The following USP10 variants were observed in gnomAD, a reference collection of about 807,000 sequenced individuals.
The protein encoded by USP10 is ubiquitin specific peptidase 10.
Under a neutral mutation model 84.5 loss-of-function variants are expected in USP10, and 22 were observed. That is an observed-to-expected ratio of 0.26 (90% CI 0.19 to 0.37). USP10 has a LOEUF of 0.37. Among genes scored for constraint, USP10 ranks in the 10% least tolerant of loss-of-function variants. The pLI, the probability that USP10 is intolerant of heterozygous loss-of-function variation, is 1.00. For missense variants in USP10, 1,019 were observed against 998.9 expected, an observed-to-expected ratio of 1.02 and a Z score of -0.27; for synonymous variants, 454 against 387.6, an observed-to-expected ratio of 1.17 and a Z score of -2.01.
At chr16:84,742,128 T>A (rs143320998) in intron 3 of USP10, among the ~76,000 whole-genome samples, 1 of 152,272 alleles carries the variant, frequency 6.6e-6, no homozygotes, top group East Asian at 1.9e-4. Context: ...ATGTATGGGG[T>A]ACATGAGATA....
chr16:84,753,040 C>T (rs1912115427), intron 4 of USP10, among the ~76,000 whole-genome samples: 1 of 152,068 alleles, frequency 6.6e-6, no homozygotes, highest in Non-Finnish European at 1.5e-5. Context: ...GATCATAGCT[C>T]ACTGCAGCCT....
intron 8 of USP10, among the ~76,000 whole-genome samples, chr16:84,761,352 G>A (rs1039827791): frequency 6.6e-6 from 1 of 152,216 alleles, no homozygotes; most frequent in Admixed American, 6.5e-5. Context: ...AATAGGGGAT[G>A]TGTTGGGCTC....
intron 13 of USP10, among the ~76,000 whole-genome samples, chr16:84,778,568 G>A (rs558496414): frequency 6.6e-6 from 1 of 152,202 alleles, no homozygotes; most frequent in Non-Finnish European, 1.5e-5. Flanking sequence ...CATGAGCCAG[G>A]TCTGTAGGCC....
intron 4 of USP10, among the ~76,000 whole-genome samples, chr16:84,751,858 T>G (rs180856362): frequency 6.6e-6 from 1 of 152,280 alleles, no homozygotes; most frequent in Admixed American, 6.5e-5. Context: ...GACCCCTAAG[T>G]CCTAATTTTA....
Position 84,744,619 on chromosome 16 carries a change from T to C in USP10, c.152-14T>C, listed in dbSNP as rs1418417655. ...AGAACTGGGTTCTTAACTAATAGTT[T>C]TCTTTCTAAACAGGACAAGAATATC... On this transcript the variant is annotated splice_polypyrimidine_tract_variant and intron_variant, in intron 3 of 13. Coordinates refer to ENST00000219473, the MANE Select transcript of USP10 (RefSeq NM_005153.3). 2 of 1,577,440 alleles carry C rather than the reference T, an allele frequency of 1.3e-6. No individual in the cohort carries two copies. Among genetic ancestry groups the C allele is most frequent in the Non-Finnish European group, 1.7e-6 (2 of 1,160,482 alleles).
intron 1 of USP10, among the ~76,000 whole-genome samples, chr16:84,724,897 T>G (rs1908258331): frequency 1.3e-5 from 2 of 152,204 alleles, no homozygotes; most frequent in Non-Finnish European, 2.9e-5. Flanking sequence ...CCTTCTGAAG[T>G]TGAAAGCACA....
chr16:84,733,182 A>C, intron 1 of USP10: 1 of 551,176 alleles, frequency 1.8e-6, no homozygotes, highest in Non-Finnish European at 3.4e-6. Context: ...TTGGCATACA[A>C]AATTGATTTG....
chr16:84,754,575 A>G (rs905841126), intron 4 of USP10, among the ~76,000 whole-genome samples: 3 of 152,190 alleles, frequency 2.0e-5, no homozygotes, highest in African/African-American at 7.2e-5. Flanking sequence ...TGGTGCTAGA[A>G]GACTTGATTT....
chr16:84,778,838 G>C, intron 13 of USP10, 57 bp from the exon 14 acceptor site: 1 of 1,536,360 alleles, frequency 6.5e-7, no homozygotes, highest in Non-Finnish European at 8.8e-7. Context: ...GCGGAGACCT[G>C]TAATGATTCG....
intron 4 of USP10, among the ~76,000 whole-genome samples, chr16:84,753,089 C>A (rs1912121125): frequency 1.3e-5 from 2 of 152,038 alleles, no homozygotes; most frequent in Non-Finnish European, 2.9e-5. Context: ...GCCCCAGCTT[C>A]CTGAGTAGTT....
rs779560918 is a variant in USP10, at chr16:84,745,132, C to G, written c.651C>G (p.Asp217Glu). Residue 217 changes from aspartate (D) to glutamate (E), a missense_variant, in exon 4 of 14, where the codon GAC becomes GAG. This residue lies in a region of USP10 where 787 missense variants were observed against 708.8 expected (regional missense o/e 1.11). Coordinates refer to ENST00000219473, the MANE Select transcript of USP10 (RefSeq NM_005153.3). ...RTCNSPQNST[D>E]SVSDIVPDSP... The stretch of plus-strand genomic sequence containing the variant: ...GTAACAGCCCCCAGAACTCCACAGA[C>G]TCTGTCAGTGACATTGTGCCTGACA... The G allele has an allele frequency of 3.3e-5, 54 of 1,613,474 alleles. No homozygotes were observed. Among genetic ancestry groups the G allele is most frequent in the Non-Finnish European group, 4.2e-5 (50 of 1,179,710 alleles).
chr16:84,748,440 A>C (rs570069514), intron 4 of USP10, among the ~76,000 whole-genome samples: 5 of 151,810 alleles, frequency 3.3e-5, no homozygotes, highest in Non-Finnish European at 1.5e-5. Flanking sequence ...AGTAGCTGGG[A>C]CTACAGGTGC....
chr16:84,740,622 T>C (rs1020578386), intron 3 of USP10, among the ~76,000 whole-genome samples: 5 of 152,266 alleles, frequency 3.3e-5, no homozygotes, highest in African/African-American at 1.2e-4. Context: ...CTTTTTTTCC[T>C]AACAGTTCTG....
At chr16:84,778,812 C>T (rs933893750) in intron 13 of USP10, 83 bp from the exon 14 acceptor site, 1 of 1,380,386 alleles carries the variant, frequency 7.2e-7, no homozygotes, top group Non-Finnish European at 9.9e-7. Context: ...TAGGATGCAT[C>T]CCTGGAGGGA....
intron 1 of USP10, among the ~76,000 whole-genome samples, chr16:84,701,607 A>G (rs1178873087): frequency 2.0e-5 from 3 of 152,226 alleles, no homozygotes; most frequent in Admixed American, 1.3e-4. Context: ...TTTTGACATG[A>G]AGAAAGCATC....
intron 1 of USP10, among the ~76,000 whole-genome samples, chr16:84,710,496 A>G (rs1194230613): frequency 2.0e-5 from 3 of 152,128 alleles, no homozygotes; most frequent in Non-Finnish European, 2.9e-5. Context: ...GTAGCCCTTC[A>G]GTGTCCTCAG....
In USP10 at chr16:84,779,158, T is replaced by G; in HGVS notation, c.*76T>G. The stretch of plus-strand genomic sequence containing the variant: ...CTCACACTCACTTCCCGCCTCTCTT[T>G]AGTGGCTCTTTAGAGAGAAACTCTT... On this transcript the variant is annotated 3_prime_UTR_variant, in exon 14 of 14. Coordinates refer to ENST00000219473, the MANE Select transcript of USP10 (RefSeq NM_005153.3). 6.6e-7 allele frequency: 1 copy of G among 1,512,416 alleles called. No individual in the cohort carries two copies. Among genetic ancestry groups the G allele is most frequent in the Non-Finnish European group, 9.0e-7 (1 of 1,115,110 alleles). 93.7% of individuals were successfully genotyped at this position (1,512,416 alleles called of 1,614,324 possible).
At position 84,764,919 on chromosome 16, in the gene USP10, A is replaced by G. The variant is rs1374699380; in HGVS notation, c.1832+656A>G. Among the ~76,000 whole-genome samples, 7 of 66,246 alleles carry G rather than the reference A, an allele frequency of 1.1e-4. No homozygotes were observed. In the East Asian group the frequency reaches 9.4e-3, roughly 89 times the overall value. 43.5% of individuals were successfully genotyped at this position (66,246 alleles called of 152,430 possible). A position where few individuals can be genotyped will look rare whatever the true frequency, so the allele number is the denominator to read the frequency against. On this transcript the variant is annotated intron_variant, in intron 10 of 13. Coordinates refer to ENST00000219473, the MANE Select transcript of USP10 (RefSeq NM_005153.3). ...ATAAGATAGGTCATAAACAATAACC[A>G]CGAGAGAGAGAGAAAAAAAAATATA...
intron 12 of USP10, 134 bp from the exon 13 acceptor site, chr16:84,775,026 G>C (rs1179450383): frequency 1.4e-6 from 1 of 740,626 alleles, no homozygotes; most frequent in Non-Finnish European, 2.4e-6. Flanking sequence ...TGCAACTGAA[G>C]GGATAGAGTG....
Sources: gnomAD v4.1 joint callset for allele counts (sites outside exome capture counted in the v4.1 genomes callset) on GRCh38, gnomAD v4.1.1 for gene constraint, gnomAD v4.1.1 regional missense constraint, MANE v1.5 for transcripts, NCBI Gene and HGNC (gene_info 2026-07-23, HGNC 2026-07-21) for gene names.